PRLR: variants seen among roughly 807,000 people sequenced by gnomAD.
The protein encoded by PRLR is prolactin receptor.
PRLR carries 13 observed loss-of-function variants against 40.2 expected under a neutral mutation model. That is an observed-to-expected ratio of 0.32 (90% CI 0.21 to 0.51). PRLR has a LOEUF of 0.51. Ranked by LOEUF, PRLR falls within the 20% of genes least tolerant of loss-of-function variation. The pLI, the probability that PRLR is intolerant of heterozygous loss-of-function variation, is 0.97. For synonymous variants in PRLR, 269 were observed against 278.7 expected, an observed-to-expected ratio of 0.97 and a Z score of 0.35; for missense variants, 656 against 747.3, an observed-to-expected ratio of 0.88 and a Z score of 1.42.
intron 2 of PRLR, among the ~76,000 whole-genome samples, chr5:35,114,860 A>C (rs941584756): frequency 2.0e-5 from 3 of 152,122 alleles, no homozygotes; most frequent in African/African-American, 7.2e-5. Flanking sequence ...CGGCAGATGC[A>C]TGTTTGCTCA....
rs966720287 is a variant in PRLR at position 35,060,797 on chromosome 5, T to C, written c.*4292A>G. The C allele has an allele frequency of 1.9e-4, 29 of 152,326 alleles. No individual in the cohort carries two copies. The highest frequency in any genetic ancestry group is 6.7e-4 in the African/African-American group (28 of 41,570). 9.4% of individuals were successfully genotyped at this position (152,326 alleles called of 1,614,324 possible). A position where few individuals can be genotyped will look rare whatever the true frequency, so the allele number is the denominator to read the frequency against. On this transcript the variant is annotated 3_prime_UTR_variant, in exon 10 of 10. Coordinates refer to ENST00000618457, the MANE Select transcript of PRLR (RefSeq NM_000949.7). Reference sequence around the variant, plus strand: ...GATGGTAATTCAAAGTCATTTATATTTTTCTGTTTGTGTACAAAGTTCCAA... The same window carrying C: ...GATGGTAATTCAAAGTCATTTATATCTTTCTGTTTGTGTACAAAGTTCCAA...
chr5:35,128,832 A>T (rs1773556848), intron 1 of PRLR, among the ~76,000 whole-genome samples: 1 of 152,116 alleles, frequency 6.6e-6, no homozygotes, highest in African/African-American at 2.4e-5. Flanking sequence ...CAAGTATTTG[A>T]CTGCTGGGAA....
At chr5:35,085,145 C>T (rs1425672981) in intron 4 of PRLR, among the ~76,000 whole-genome samples, 1 of 152,154 alleles carries the variant, frequency 6.6e-6, no homozygotes, top group Non-Finnish European at 1.5e-5. Flanking sequence ...ACCAAGTCAG[C>T]AATAAAGTGA....
At chr5:35,202,989 C>T (rs2047738) in intron 1 of PRLR, among the ~76,000 whole-genome samples, 91,228 of 151,900 alleles carry the variant, frequency 0.6, 28,698 homozygotes, top group Non-Finnish European at 0.71. Flanking sequence ...GCAAAGTGAG[C>T]CCCCCATTGG....
chr5:35,087,033 GC>G (rs1351968799), intron 3 of PRLR, among the ~76,000 whole-genome samples: 1 of 151,446 alleles, frequency 6.6e-6, no homozygotes, highest in Non-Finnish European at 1.5e-5. Flanking sequence ...TCACTCTATC[GC>G]CCAGGCTGGA....
chr5:35,185,739 T>G (rs1775408374), intron 1 of PRLR, among the ~76,000 whole-genome samples: 1 of 152,196 alleles, frequency 6.6e-6, no homozygotes, highest in African/African-American at 2.4e-5. Flanking sequence ...GGAGGCCTAC[T>G]AGGAAATAGA....
In PRLR at chr5:35,064,975, G is replaced by T. The variant is rs1003496081; in HGVS notation, c.*114C>A. 28 of 1,187,758 alleles carry T rather than the reference G, an allele frequency of 2.4e-5. No individual in the cohort carries two copies. In the South Asian group the frequency reaches 2.8e-4, roughly 12 times the overall value. 73.6% of individuals were successfully genotyped at this position (1,187,758 alleles called of 1,614,324 possible). On this transcript the variant is annotated 3_prime_UTR_variant, in exon 10 of 10. Transcript: ENST00000618457. ...AGTGGTTAAAAATGGAGCATGAAAGGAGCTGGGAGCTTTAGTAGTGTCAGT... is the reference window on the plus strand; with the variant it reads ...AGTGGTTAAAAATGGAGCATGAAAGTAGCTGGGAGCTTTAGTAGTGTCAGT...
At position 35,070,269 on chromosome 5, in the gene PRLR, A is replaced by G. The variant is rs752156104; in HGVS notation, c.544-4T>C. Reference sequence around the variant, plus strand: ...TTTGCTGCCCAGCAAAATGGATCTAAGGTAGAATAAGGAAAACAGAAGTCA... The same window carrying G: ...TTTGCTGCCCAGCAAAATGGATCTAGGGTAGAATAAGGAAAACAGAAGTCA... On this transcript the variant is annotated splice_polypyrimidine_tract_variant and splice_region_variant and intron_variant, in intron 6 of 9. Coordinates refer to ENST00000618457, the MANE Select transcript of PRLR (RefSeq NM_000949.7). 5.0e-6 allele frequency: 8 copies of G among 1,612,172 alleles called. No homozygotes were observed. Among genetic ancestry groups the G allele is most frequent in the Non-Finnish European group, 6.8e-6 (8 of 1,179,552 alleles).
chr5:35,171,376 C>T (rs1484711170), intron 1 of PRLR, among the ~76,000 whole-genome samples: 3 of 152,126 alleles, frequency 2.0e-5, no homozygotes, highest in Admixed American at 6.5e-5. Flanking sequence ...AAAACTTGAG[C>T]CTGCCCAGCA....
intron 4 of PRLR, among the ~76,000 whole-genome samples, chr5:35,085,180 A>G (rs1219012296): frequency 1.3e-5 from 2 of 152,210 alleles, no homozygotes; most frequent in African/African-American, 2.4e-5. Flanking sequence ...GAGGTATTTC[A>G]AGCCCACGTG....
At chr5:35,204,719 T>C (rs1370846081) in intron 1 of PRLR, among the ~76,000 whole-genome samples, 1 of 152,164 alleles carries the variant, frequency 6.6e-6, no homozygotes, top group Non-Finnish European at 1.5e-5. Context: ...GCCTTACACA[T>C]GACAATGCTA....
chr5:35,207,823 T>G (rs72734585), intron 1 of PRLR, among the ~76,000 whole-genome samples: 19,036 of 152,102 alleles, frequency 0.13, 1,471 homozygotes, highest in Admixed American at 0.16. Context: ...TAGAGTTTAC[T>G]TGGGAGGACG....
chr5:35,083,680 C>T (rs574572372), intron 5 of PRLR, among the ~76,000 whole-genome samples: 58 of 151,764 alleles, frequency 3.8e-4, no homozygotes, highest in African/African-American at 1.3e-3. Context: ...CCACCACAGC[C>T]GGCTAATTTT....
intron 8 of PRLR, 48 bp downstream of exon 8, chr5:35,068,731 T>C (rs1426960715): frequency 7.4e-7 from 1 of 1,344,706 alleles, no homozygotes; most frequent in Admixed American, 1.8e-5. Flanking sequence ...TTTGTCATTA[T>C]CCTTGACTAT....
chr5:35,067,464 G>A (rs1561263015), intron 9 of PRLR, among the ~76,000 whole-genome samples: 1 of 152,062 alleles, frequency 6.6e-6, no homozygotes. Context: ...TTCGATATTT[G>A]CAACCAAAGT....
At chr5:35,142,179 C>T (rs559232861) in intron 1 of PRLR, among the ~76,000 whole-genome samples, 10 of 152,298 alleles carry the variant, frequency 6.6e-5, no homozygotes, top group African/African-American at 2.2e-4. Context: ...AATATAGATA[C>T]CTTCCAAAGA....
chr5:35,068,336 A>G (rs1472713016), intron 8 of PRLR, 51 bp from the exon 9 acceptor site: 1 of 1,533,888 alleles, frequency 6.5e-7, no homozygotes, highest in East Asian at 2.2e-5. Flanking sequence ...TGACTTTGTA[A>G]TTTTTGAAAG....
At chr5:35,075,816 C>G (rs530908817) in intron 5 of PRLR, among the ~76,000 whole-genome samples, 22 of 152,160 alleles carry the variant, frequency 1.4e-4, no homozygotes, top group African/African-American at 5.3e-4. Context: ...CCTCATACAC[C>G]CAGGTGCCCC....
chr5:35,218,899 C>T (rs1418513787), intron 1 of PRLR, among the ~76,000 whole-genome samples: 1 of 151,982 alleles, frequency 6.6e-6, no homozygotes, highest in East Asian at 1.9e-4. Flanking sequence ...TGATAAGTGG[C>T]AGGTGGGTGG....
Sources: gnomAD v4.1 joint callset for allele counts (sites outside exome capture counted in the v4.1 genomes callset) on GRCh38, gnomAD v4.1.1 for gene constraint, MANE v1.5 for transcripts, NCBI Gene and HGNC (gene_info 2026-07-23, HGNC 2026-07-21) for gene names.